The following DPF3 variants were observed in gnomAD, a reference collection of about 807,000 sequenced individuals.
DPF3 encodes zinc finger protein DPF3.
A neutral mutation model predicts 56.8 loss-of-function variants in DPF3; 18 were observed. That is an observed-to-expected ratio of 0.32 (90% CI 0.22 to 0.47). DPF3 has a LOEUF of 0.47. DPF3 is among the 20% of genes least tolerant of loss of function. DPF3 has a pLI of 1.00. For missense variants in DPF3, 403 were observed against 488.8 expected, an observed-to-expected ratio of 0.82 and a Z score of 1.65; for synonymous variants, 188 against 180.2, an observed-to-expected ratio of 1.04 and a Z score of -0.35.
At chr14:72,730,960 G>C (rs1889614783) in intron 4 of DPF3, among the ~76,000 whole-genome samples, 1 of 152,076 alleles carries the variant, frequency 6.6e-6, no homozygotes. Context: ...TTGAGGTCAG[G>C]AGTTTGAGAC....
At chr14:72,703,157 C>T (rs138747536) in intron 6 of DPF3, among the ~76,000 whole-genome samples, 1,747 of 152,270 alleles carry the variant, frequency 0.011, 45 homozygotes, top group African/African-American at 0.04. Context: ...TGGCTACATC[C>T]ACCTCCCCCC....
intron 1 of DPF3, among the ~76,000 whole-genome samples, chr14:72,837,599 G>A (rs906263032): frequency 1.3e-5 from 2 of 152,078 alleles, no homozygotes; most frequent in African/African-American, 4.8e-5. Context: ...TTAGCTGGGC[G>A]CAGTGGCAGT....
At chr14:72,619,488 C>A in intron 10 of DPF3, 121 bp from the exon 11 acceptor site, 1 of 1,138,940 alleles carries the variant, frequency 8.8e-7, no homozygotes, top group Non-Finnish European at 1.2e-6. Context: ...GAAACCAAGT[C>A]CCAGGCCTGA....
chr14:72,800,557 G>GATGCATGGATGCATGC (rs530109137), intron 1 of DPF3, among the ~76,000 whole-genome samples: 3 of 152,006 alleles, frequency 2.0e-5, no homozygotes, highest in Admixed American at 1.3e-4. Flanking sequence ...TGGATGTATG[G>GATGCATGGATGCATGC]ATGCATGGAT....
At chr14:72,801,435 C>T (rs892489534) in intron 1 of DPF3, among the ~76,000 whole-genome samples, 1 of 152,202 alleles carries the variant, frequency 6.6e-6, no homozygotes, top group African/African-American at 2.4e-5. Context: ...TGGCTGAAGG[C>T]ATCATCATGA....
intron 1 of DPF3, among the ~76,000 whole-genome samples, chr14:72,774,760 A>G (rs1377611341): frequency 6.6e-6 from 1 of 152,234 alleles, no homozygotes; most frequent in Admixed American, 6.5e-5. Context: ...TCAAATTGTA[A>G]TAGTCACGCA....
chr14:72,788,438 G>T (rs572780406), intron 1 of DPF3, among the ~76,000 whole-genome samples: 90 of 152,192 alleles, frequency 5.9e-4, no homozygotes, highest in African/African-American at 2.1e-3. Flanking sequence ...AGGAGGAGGG[G>T]GGCCGCAGAG....
chr14:72,870,832 T>G (rs1885870432), intron 1 of DPF3, among the ~76,000 whole-genome samples: 1 of 152,272 alleles, frequency 6.6e-6, no homozygotes, highest in Middle Eastern at 3.4e-3. Flanking sequence ...CCCAGCACTT[T>G]GGGAGGCTGA....
At chr14:72,768,392 G>C (rs529758082) in intron 2 of DPF3, among the ~76,000 whole-genome samples, 1 of 152,204 alleles carries the variant, frequency 6.6e-6, no homozygotes, top group African/African-American at 2.4e-5. Flanking sequence ...TAAATAATGA[G>C]TGTTGGGTGG....
intron 1 of DPF3, among the ~76,000 whole-genome samples, chr14:72,817,236 C>T (rs2140028120): frequency 6.6e-6 from 1 of 152,342 alleles, no homozygotes; most frequent in South Asian, 2.1e-4. Context: ...ACTCTCTTCC[C>T]ACTTTTATGT....
chr14:72,705,156 C>T (rs376014996), intron 6 of DPF3, among the ~76,000 whole-genome samples: 2 of 152,228 alleles, frequency 1.3e-5, no homozygotes, highest in East Asian at 3.9e-4. Context: ...TTTACAGCTG[C>T]TCCTCATCAC....
At chr14:72,735,605 G>A (rs1889858617) in intron 3 of DPF3, among the ~76,000 whole-genome samples, 1 of 152,198 alleles carries the variant, frequency 6.6e-6, no homozygotes, top group African/African-American at 2.4e-5. Context: ...GAAAGATATA[G>A]AGATTCCCCC....
chr14:72,731,278 G>C (rs1196352401), intron 4 of DPF3: 1 of 157,148 alleles, frequency 6.4e-6, no homozygotes. Flanking sequence ...GGACCCATGG[G>C]GACAGAGCAG....
chr14:72,773,728 T>C (rs956943073), intron 1 of DPF3: 5 of 430,538 alleles, frequency 1.2e-5, no homozygotes, highest in Admixed American at 2.5e-5. Flanking sequence ...TATTTGTCTT[T>C]TTGTGACTGG....
intron 1 of DPF3, among the ~76,000 whole-genome samples, chr14:72,808,533 G>A (rs1275650980): frequency 2.0e-5 from 3 of 152,230 alleles, no homozygotes; most frequent in South Asian, 2.1e-4. Flanking sequence ...AATGCCTGGC[G>A]AACTTTGCAT....
chr14:72,866,682 C>T (rs1309895319), intron 1 of DPF3, among the ~76,000 whole-genome samples: 1 of 150,242 alleles, frequency 6.7e-6, no homozygotes, highest in Non-Finnish European at 1.5e-5. Flanking sequence ...CACGAAGAAA[C>T]CCCATCTCTA....
chr14:72,643,519 G>A (rs1429516910), intron 8 of DPF3, among the ~76,000 whole-genome samples: 3 of 152,242 alleles, frequency 2.0e-5, no homozygotes, highest in Non-Finnish European at 4.4e-5. Flanking sequence ...GCAGGAAGTA[G>A]GTCAGCAGCC....
At chr14:72,853,629 C>A (rs2140087456) in intron 1 of DPF3, among the ~76,000 whole-genome samples, 1 of 152,154 alleles carries the variant, frequency 6.6e-6, no homozygotes, top group East Asian at 1.9e-4. Context: ...CGCGGACCAC[C>A]ATGCCTGGCT....
chr14:72,726,338 C>G (rs574578147), intron 4 of DPF3, among the ~76,000 whole-genome samples: 1 of 152,232 alleles, frequency 6.6e-6, no homozygotes, highest in African/African-American at 2.4e-5. Context: ...ATTTATTACC[C>G]GCAATATGGA....
Sources: gnomAD v4.1 joint callset for allele counts (sites outside exome capture counted in the v4.1 genomes callset) on GRCh38, gnomAD v4.1.1 for gene constraint, MANE v1.5 for transcripts, NCBI Gene and HGNC (gene_info 2026-07-23, HGNC 2026-07-21) for gene names.